ASPHD2: variants seen among roughly 807,000 people sequenced by gnomAD.
ASPHD2 encodes the protein aspartate beta-hydroxylase domain containing 2.
ASPHD2 carries 12 observed loss-of-function variants against 34.6 expected under a neutral mutation model. That is an observed-to-expected ratio of 0.35 (90% CI 0.22 to 0.56). The LOEUF is 0.56. Ranked by LOEUF, ASPHD2 falls within the 20% of genes least tolerant of loss-of-function variation. The pLI is 0.87. For missense variants in ASPHD2, 375 were observed against 505.0 expected (o/e 0.74, Z 2.47); for synonymous variants, 224 against 212.2 (o/e 1.06, Z -0.48).
chr22:26,434,146 C>G lies in ASPHD2; in HGVS notation c.531C>G (p.Pro177=), dbSNP rs780741229. 1.2e-6 allele frequency: 2 copies of G among 1,612,174 alleles called. No homozygotes were observed. The highest frequency in any genetic ancestry group is 8.5e-7 in the Non-Finnish European group (1 of 1,179,112). ...TCCTGCCCGACCTGCCCACCACGCC[C>G]TATTTCTCCCGGGACGCACAGAAAC... ...VFFLPDLPTT[P]YFSRDAQKHD... Residue 177 remains proline (P), a synonymous_variant, in exon 2 of 4, where the codon CCC becomes CCG. Transcript: ENST00000215906.
rs753942230 is a variant in ASPHD2, at chr22:26,443,087, TC to T, written c.1001-3del. The T allele has an allele frequency of 6.0e-5, 96 of 1,605,694 alleles. No homozygotes were observed. The highest frequency in any genetic ancestry group is 6.5e-5 in the Non-Finnish European group (76 of 1,172,790). ...TTGAACCTGTCCTCTCACCCCTCCT[TC>T]CCCCCCAGGTTCAGCAGAGGATGGC... On this transcript the variant is annotated splice_polypyrimidine_tract_variant and intron_variant, in intron 3 of 3. Coordinates refer to ENST00000215906, the MANE Select transcript of ASPHD2 (RefSeq NM_020437.5).
chr22:26,440,396 A>G (rs1426207228), intron 2 of ASPHD2, among the ~76,000 whole-genome samples: 1 of 151,990 alleles, frequency 6.6e-6, no homozygotes, highest in Non-Finnish European at 1.5e-5. Flanking sequence ...CGGTGATGCA[A>G]TCTCGGCTCA....
At chr22:26,437,264 C>T (rs767535924) in intron 2 of ASPHD2, among the ~76,000 whole-genome samples, 11 of 152,206 alleles carry the variant, frequency 7.2e-5, no homozygotes, top group Non-Finnish European at 1.3e-4. Context: ...GTTCCAGAAC[C>T]GTGCTCTTGA....
chr22:26,439,838 T>G (rs183510884), intron 2 of ASPHD2, among the ~76,000 whole-genome samples: 105 of 152,368 alleles, frequency 6.9e-4, no homozygotes, highest in Non-Finnish European at 1.3e-3. Context: ...TCCGTCCTTC[T>G]GTCTCCTCCA....
At position 26,438,077 on chromosome 22, in the gene ASPHD2, C is replaced by T. The variant is rs533860759; in HGVS notation, c.886+3576C>T. On this transcript the variant is annotated intron_variant, in intron 2 of 3. Transcript: ENST00000215906. ...CCAGCAGGCCAGGCCATTTTTCTAT[C>T]GCACCGTGGCACGTGGCGATGAATC... is the stretch of plus-strand genomic sequence containing the variant. Among the ~76,000 whole-genome samples the T allele has an allele frequency of 5.3e-5, 8 of 152,240 alleles. No individual in the cohort carries two copies. In the East Asian group the frequency reaches 1.2e-3, roughly 22 times the overall value.
At position 26,433,935 on chromosome 22, in the gene ASPHD2, AC is replaced by A. The variant is rs1258768541; in HGVS notation, c.321del (p.Cys108AlafsTer113). ...DANGLQNGYVYCQSPECVRCT... is the reference protein window; with the variant it reads ...DANGLQNGYVXCQSPECVRCT... ...AACGGGCTGCAGAATGGCTACGTGT[AC>A]TGCCAGTCCCCTGAGTGCGTGCGCT... On this transcript the variant is annotated frameshift_variant, in exon 2 of 4. Transcript: ENST00000215906. LOFTEE classifies it high-confidence loss of function. The surrounding 1 kb of genome is among the most constrained non-coding windows in gnomAD (Gnocchi z 5.1). 1 of 1,613,544 alleles carries A rather than the reference AC, an allele frequency of 6.2e-7. No individual in the cohort carries two copies.
rs1568984050 is a variant in ASPHD2 at position 26,438,588 on chromosome 22, T to TATATACATAC, written c.887-3866_887-3865insCATACATATA. 1.7e-4 allele frequency among the ~76,000 whole-genome samples: 23 copies of TATATACATAC among 138,726 alleles called. 1 individual carries two copies. The highest frequency in any genetic ancestry group is 4.9e-4 in the African/African-American group (19 of 39,100). The allele number at this position is 138,726 out of a possible 152,430, so 91.0% of individuals were successfully genotyped here. A position where few individuals can be genotyped will look rare whatever the true frequency, so the allele number is the denominator to read the frequency against. ...ATACACATACATATATATACATACA[T>TATATACATAC]ATATATACACACATATATACATATA... On this transcript the variant is annotated intron_variant, in intron 2 of 3. Transcript: ENST00000215906.
rs561153294 is a variant in ASPHD2, at chr22:26,443,862, T to G, written c.*656T>G. On this transcript the variant is annotated 3_prime_UTR_variant, in exon 4 of 4. Transcript: ENST00000215906. The stretch of plus-strand genomic sequence containing the variant: ...CTCATTCTAAACCTTGTCAGGTCCC[T>G]GATGGCAAAAGCATTGGGCCAGTAG... 1 of 152,368 alleles carries G rather than the reference T, an allele frequency of 6.6e-6. No homozygotes were observed. The highest frequency in any genetic ancestry group is 2.1e-4 in the South Asian group (1 of 4,830). The allele number at this position is 152,368 out of a possible 1,614,324, so 9.4% of individuals were successfully genotyped here.
Position 26,443,335 on chromosome 22 carries a change from G to A in ASPHD2, c.*129G>A. ...TGCCTCAGCGGAAAGCTCTTATTTG[G>A]GATTTTATATCATGTCGGGTCCCTC... On this transcript the variant is annotated 3_prime_UTR_variant, in exon 4 of 4. Transcript: ENST00000215906. The A allele has an allele frequency of 1.4e-6, 1 of 725,232 alleles. No homozygotes were observed. The highest frequency in any genetic ancestry group is 1.8e-5 in the South Asian group (1 of 57,060). 44.9% of individuals were successfully genotyped at this position (725,232 alleles called of 1,614,324 possible).
Position 26,442,586 on chromosome 22 carries a change from T to C in ASPHD2, c.1000+14T>C. ...CGTTCCATGAAGGTGAGTGGCTGCC[T>C]TTCCCACTTCCTTTTTTTCAATGAA... On this transcript the variant is annotated intron_variant, in intron 3 of 3. Transcript: ENST00000215906. 1 of 1,544,222 alleles carries C rather than the reference T, an allele frequency of 6.5e-7. No homozygotes were observed. Among genetic ancestry groups the C allele is most frequent in the Non-Finnish European group, 8.8e-7 (1 of 1,135,794 alleles).
At chr22:26,435,276 C>T (rs140604084) in intron 2 of ASPHD2, among the ~76,000 whole-genome samples, 1 of 152,296 alleles carries the variant, frequency 6.6e-6, no homozygotes, top group East Asian at 1.9e-4. Context: ...TATGTATGCA[C>T]ACAGAGCCTA....
chr22:26,431,894 A>T (rs1056132342), intron 1 of ASPHD2, among the ~76,000 whole-genome samples: 1 of 152,192 alleles, frequency 6.6e-6, no homozygotes, highest in Non-Finnish European at 1.5e-5. Context: ...ACCCCATTTC[A>T]TGGATAAAGA....
At chr22:26,440,939 G>A (rs1045816970) in intron 2 of ASPHD2, among the ~76,000 whole-genome samples, 13 of 152,230 alleles carry the variant, frequency 8.5e-5, no homozygotes, top group African/African-American at 2.9e-4. Context: ...TCAGAGTGTA[G>A]TGCAAATGTC....
At position 26,443,282 on chromosome 22, in the gene ASPHD2, A is replaced by G; in HGVS notation, c.*76A>G. The G allele has an allele frequency of 1.6e-6, 2 of 1,245,180 alleles. No homozygotes were observed. Among genetic ancestry groups the G allele is most frequent in the Non-Finnish European group, 1.2e-6 (1 of 854,738 alleles). 77.1% of individuals were successfully genotyped at this position (1,245,180 alleles called of 1,614,324 possible). ...CAGACTGTGGTCCGGTCCAGTCCCT[A>G]CCGGTGTTGTTTCCATGCTCAGAAA... On this transcript the variant is annotated 3_prime_UTR_variant, in exon 4 of 4. Transcript: ENST00000215906.
chr22:26,433,693 G>A lies in ASPHD2; in HGVS notation c.78G>A (p.Lys26=), dbSNP rs369759521. The A allele has an allele frequency of 7.4e-5, 120 of 1,614,018 alleles. No individual in the cohort carries two copies. The highest frequency in any genetic ancestry group is 9.7e-5 in the Non-Finnish European group (115 of 1,180,034). Reference sequence around the variant, plus strand: ...ACACGCCCAGTAAGGACTCCCCCAAGATGTCGCTCGAGTGGCTGGTGGCCT... The same window carrying A: ...ACACGCCCAGTAAGGACTCCCCCAAAATGTCGCTCGAGTGGCTGGTGGCCT... ...LLHTPSKDSP[K]MSLEWLVAWS... The change falls in exon 2 of 4, where the codon AAG becomes AAA. Residue 26 remains lysine (K), a synonymous_variant. Coordinates refer to ENST00000215906, the MANE Select transcript of ASPHD2 (RefSeq NM_020437.5). The surrounding 1 kb of genome is among the most constrained non-coding windows in gnomAD (Gnocchi z 5.1).
intron 1 of ASPHD2, among the ~76,000 whole-genome samples, chr22:26,431,574 CTG>C (rs1601699054): frequency 6.6e-6 from 1 of 152,150 alleles, no homozygotes; most frequent in African/African-American, 2.4e-5. Context: ...TCAACCGAAA[CTG>C]GGAAAAAGCA....
In ASPHD2 at chr22:26,444,376, C is replaced by T. The variant is rs2084890915; in HGVS notation, c.*1170C>T. 1 of 152,166 alleles carries T rather than the reference C, an allele frequency of 6.6e-6. No homozygotes were observed. The highest frequency in any genetic ancestry group is 2.4e-5 in the African/African-American group (1 of 41,430). 9.4% of individuals were successfully genotyped at this position (152,166 alleles called of 1,614,324 possible). A position where few individuals can be genotyped will look rare whatever the true frequency, so the allele number is the denominator to read the frequency against. ...AAGCCAGTGTGTGCTAGTGAGGAGA[C>T]AGAGAAGACCTACATGCCCAGAGGA... is the stretch of plus-strand genomic sequence containing the variant. On this transcript the variant is annotated 3_prime_UTR_variant, in exon 4 of 4. Transcript: ENST00000215906.
At chr22:26,440,292 CTTATTTT>C (rs1568984625) in intron 2 of ASPHD2, among the ~76,000 whole-genome samples, 4 of 151,990 alleles carry the variant, frequency 2.6e-5, no homozygotes, top group Non-Finnish European at 4.4e-5. Flanking sequence ...AAGCATACGG[CTTATTTT>C]TTATTTTTTA....
intron 2 of ASPHD2, among the ~76,000 whole-genome samples, chr22:26,437,880 A>G (rs2084801991): frequency 6.6e-6 from 1 of 152,178 alleles, no homozygotes; most frequent in Non-Finnish European, 1.5e-5. Flanking sequence ...ATATGGGACT[A>G]TCTGAGGCCA....
Sources: allele counts gnomAD v4.1 joint callset (sites outside exome capture counted in the v4.1 genomes callset), GRCh38; gene constraint gnomAD v4.1.1; non-coding constraint Gnocchi (gnomAD v3.1); transcripts MANE v1.5; gene names NCBI Gene and HGNC (gene_info 2026-07-23, HGNC 2026-07-21).